UGT2A2: variants seen among roughly 807,000 people sequenced by gnomAD.
UGT2A2 encodes UDP glucuronosyltransferase family 2 member A2.
Under a neutral mutation model 50.7 loss-of-function variants are expected in UGT2A2, and 60 were observed. The ratio of observed to expected loss-of-function variants is 1.18; its 90% CI spans 0.96 to 1.47. The LOEUF is 1.47. Among genes scored for constraint, UGT2A2 ranks in the 40% most tolerant of loss-of-function variants. The pLI, the probability that UGT2A2 is intolerant of heterozygous loss-of-function variation, is 0.00. For missense variants in UGT2A2, 762 were observed against 634.0 expected, an observed-to-expected ratio of 1.20 and a Z score of -2.17; for synonymous variants, 242 against 214.6, an observed-to-expected ratio of 1.13 and a Z score of -1.11.
At chr4:69,608,584 G>T (rs1275507091) in intron 1 of UGT2A2, among the ~76,000 whole-genome samples, 1 of 151,684 alleles carries the variant, frequency 6.6e-6, no homozygotes, top group African/African-American at 2.4e-5. Context: ...AAGAAAAAAA[G>T]AAAATAGGTA....
intron 1 of UGT2A2, among the ~76,000 whole-genome samples, chr4:69,607,723 GAAAC>G (rs1190996115): frequency 6.6e-5 from 10 of 152,208 alleles, no homozygotes; most frequent in African/African-American, 2.2e-4. Flanking sequence ...AAATTTACAA[GAAAC>G]AAACAAACAA....
At chr4:69,620,894 A>C (rs1247111753) in intron 1 of UGT2A2, among the ~76,000 whole-genome samples, 1 of 152,032 alleles carries the variant, frequency 6.6e-6, no homozygotes, top group Non-Finnish European at 1.5e-5. Context: ...AAAACCAAGC[A>C]ATAAGAAAAG....
intron 1 of UGT2A2, among the ~76,000 whole-genome samples, chr4:69,632,548 C>T (rs1721443461): frequency 6.6e-6 from 1 of 152,032 alleles, no homozygotes; most frequent in South Asian, 2.1e-4. Flanking sequence ...ACTTCTTATG[C>T]ACGACAATAG....
intron 1 of UGT2A2, among the ~76,000 whole-genome samples, chr4:69,630,265 T>A (rs1201928355): frequency 6.6e-6 from 1 of 152,112 alleles, no homozygotes; most frequent in Non-Finnish European, 1.5e-5. Context: ...CTGCAATTTT[T>A]GACGTAGTTG....
At chr4:69,634,227 A>C (rs1721553536) in intron 1 of UGT2A2, among the ~76,000 whole-genome samples, 1 of 151,748 alleles carries the variant, frequency 6.6e-6, no homozygotes, top group Admixed American at 6.6e-5. Flanking sequence ...CCTGAGCGAC[A>C]GAGCGAGACT....
At chr4:69,607,674 A>G (rs1719736621) in intron 1 of UGT2A2, among the ~76,000 whole-genome samples, 1 of 152,230 alleles carries the variant, frequency 6.6e-6, no homozygotes, top group Non-Finnish European at 1.5e-5. Flanking sequence ...TACTCATCTG[A>G]CAAAGGGCTA....
At position 69,589,125 on chromosome 4, in the gene UGT2A2, C is replaced by A. The variant is rs182465488; in HGVS notation, c.*247G>T. On this transcript the variant is annotated 3_prime_UTR_variant, in exon 6 of 6. Coordinates refer to ENST00000604629, the MANE Select transcript of UGT2A2 (RefSeq NM_001105677.2). ...TAGTATCCTTGTGTCAGAAAAGTGACAGGAAGAGGGTATAGTCAGCAGGGA... is the reference window on the plus strand; with the variant it reads ...TAGTATCCTTGTGTCAGAAAAGTGAAAGGAAGAGGGTATAGTCAGCAGGGA... 1.8e-4 allele frequency: 62 copies of A among 337,090 alleles called. No homozygotes were observed. Among genetic ancestry groups the A allele is most frequent in the African/African-American group, 1.3e-3 (60 of 47,422 alleles). The allele number at this position is 337,090 out of a possible 1,614,324, so 20.9% of individuals were successfully genotyped here.
chr4:69,594,101 A>G (rs1170848954), intron 5 of UGT2A2, among the ~76,000 whole-genome samples: 1 of 150,968 alleles, frequency 6.6e-6, no homozygotes, highest in African/African-American at 2.4e-5. Flanking sequence ...CAGCCTCCTG[A>G]GTAGCTGGGA....
In UGT2A2 at chr4:69,626,439, T is replaced by A. The variant is rs548875336; in HGVS notation, c.742+12460A>T. 1.6e-3 allele frequency among the ~76,000 whole-genome samples: 238 copies of A among 151,776 alleles called. 5 individuals carry two copies. The South Asian group carries it at 0.023, about 14-fold the overall frequency. On this transcript the variant is annotated intron_variant, in intron 1 of 5. Transcript: ENST00000604629. ...TTATTGGACCACCTACTATTTCTAG[T>A]TGTTTTATGACCTGTTTCAGTATTT...
rs1483732689 is a variant in UGT2A2, at chr4:69,594,616, C to A, written c.1192G>T (p.Val398Leu). The A allele has an allele frequency of 1.9e-6, 3 of 1,614,126 alleles. No individual in the cohort carries two copies. The stretch of plus-strand genomic sequence containing the variant: ...TGATCAGCAAACATGGGAACTCCCA[C>A]CATAGGGACTCCGTGGTAAATAGCT... ...YEAIYHGVPM[V>L]GVPMFADQPD... is the part of the protein sequence containing the mutation. Residue 398 changes from valine to leucine, a missense_variant, in exon 5 of 6, where the codon GTG (valine) becomes TTG (leucine). Transcript: ENST00000604629.
At chr4:69,615,641 G>T (rs1199079129) in intron 1 of UGT2A2, among the ~76,000 whole-genome samples, 1 of 151,900 alleles carries the variant, frequency 6.6e-6, no homozygotes, top group East Asian at 1.9e-4. Flanking sequence ...TCAAAGAAAT[G>T]CAAGTAAAAA....
chr4:69,609,941 T>G (rs1197792556), intron 1 of UGT2A2, among the ~76,000 whole-genome samples: 1 of 152,176 alleles, frequency 6.6e-6, no homozygotes, highest in African/African-American at 2.4e-5. Flanking sequence ...AAGTAGAAAT[T>G]CTACATATGT....
chr4:69,607,488 C>T (rs1207354701), intron 1 of UGT2A2, among the ~76,000 whole-genome samples: 2 of 151,952 alleles, frequency 1.3e-5, no homozygotes, highest in Admixed American at 1.3e-4. Context: ...CTAGGCAATA[C>T]CATTCAGGAC....
intron 1 of UGT2A2, chr4:69,599,695 A>G (rs71599914): frequency 0.26 from 51,930 of 200,258 alleles, 7,122 homozygotes; most frequent in African/African-American, 0.37. Flanking sequence ...GAAATAAAGA[A>G]AGAGAGAGAG....
chr4:69,595,295 G>T, intron 3 of UGT2A2, 46 bp from the exon 4 acceptor site: 1 of 1,597,224 alleles, frequency 6.3e-7, no homozygotes, highest in Non-Finnish European at 8.6e-7. Context: ...ACACAATGAG[G>T]ACATTTTAAG....
Position 69,589,372 on chromosome 4 carries a change from C to G in UGT2A2, c.1611G>C (p.Ter537TyrextTer11), listed in dbSNP as rs750324269. Reference sequence around the variant, plus strand: ...ATATATATTTCCTCTTTTTCTTGACCTATTCTCTTTTTTTCTTCTTTCCTA... The same window carrying G: ...ATATATATTTCCTCTTTTTCTTGACGTATTCTCTTTTTTTCTTCTTTCCTA... ...GKIGKKKKRE* is the reference protein window; with the variant it reads ...GKIGKKKKREY The change falls in exon 6 of 6, where the codon TAG becomes TAC. Residue 537 changes from the stop codon to tyrosine, a stop_lost. Transcript: ENST00000604629. 1 of 1,607,916 alleles carries G rather than the reference C, an allele frequency of 6.2e-7. No homozygotes were observed. The highest frequency in any genetic ancestry group is 8.5e-7 in the Non-Finnish European group (1 of 1,177,144).
Position 69,599,363 on chromosome 4 carries a change from C to T in UGT2A2, c.774G>A (p.Gly258=). Residue 258 remains glycine (G), a synonymous_variant, in exon 2 of 6, where the codon GGG becomes GGA. Coordinates refer to ENST00000604629, the MANE Select transcript of UGT2A2 (RefSeq NM_001105677.2). ...GRPTTLCETM[G]KAEIWLIRTY... is the part of the protein sequence containing the mutation. ...TTCGGATTAACCAAATTTCAGCTTT[C>T]CCCATAGTCTCACATAACGTAGTGG... The T allele has an allele frequency of 1.2e-6, 2 of 1,613,654 alleles. No homozygotes were observed.
At position 69,602,952 on chromosome 4, in the gene UGT2A2, C is replaced by G. The variant is rs759365334; in HGVS notation, c.743-3558G>C. Among the ~76,000 whole-genome samples the G allele has an allele frequency of 1.5e-5, 2 of 135,092 alleles. 1 individual carries two copies. Among genetic ancestry groups the G allele is most frequent in the African/African-American group, 6.0e-5 (2 of 33,224 alleles). 88.6% of individuals were successfully genotyped at this position (135,092 alleles called of 152,430 possible). ...GCGTGGTGGCAGGTGCCTGTAATCC[C>G]AGATACTCTAGAGGCTGAGGCAGAG... is the stretch of plus-strand genomic sequence containing the variant. On this transcript the variant is annotated intron_variant, in intron 1 of 5. Transcript: ENST00000604629.
chr4:69,594,502 A>C lies in UGT2A2; in HGVS notation c.1306T>G (p.Leu436Val). ...GAAGGTTCATTAATGACTGTTCTCA[A>C]AGCGCTAAGCAAATCCACACTTGTC... ...TMTSVDLLSA[L>V]RTVINEPSYK... Residue 436 changes from leucine to valine, a missense_variant, in exon 5 of 6, where the codon TTG (leucine) becomes GTG (valine). Coordinates refer to ENST00000604629, the MANE Select transcript of UGT2A2 (RefSeq NM_001105677.2). 6.2e-7 allele frequency: 1 copy of C among 1,614,148 alleles called. No individual in the cohort carries two copies. The highest frequency in any genetic ancestry group is 8.5e-7 in the Non-Finnish European group (1 of 1,180,010).
Sources: allele counts gnomAD v4.1 joint callset (sites outside exome capture counted in the v4.1 genomes callset), GRCh38; gene constraint gnomAD v4.1.1; transcripts MANE v1.5; gene names NCBI Gene and HGNC (gene_info 2026-07-23, HGNC 2026-07-21).